Variants in TYW1B observed in about 807,000 individuals in gnomAD.
The protein encoded by TYW1B is S-adenosyl-L-methionine-dependent tRNA 4-demethylwyosine synthase TYW1B.
Under a neutral mutation model 86.9 loss-of-function variants are expected in TYW1B, and 73 were observed. The observed-to-expected ratio is 0.84, with a 90% CI of 0.70 to 1.02. The LOEUF (loss-of-function observed/expected upper bound fraction) is 1.02. Ranked by LOEUF, TYW1B falls within the 50% of genes least tolerant of loss-of-function variation. TYW1B has a pLI of 0.00. For synonymous variants in TYW1B, 248 were observed against 292.8 expected, an observed-to-expected ratio of 0.85 and a Z score of 1.56; for missense variants, 637 against 827.4, an observed-to-expected ratio of 0.77 and a Z score of 2.82.
intron 13 of TYW1B, among the ~76,000 whole-genome samples, chr7:72,576,608 G>A (rs1235950554): frequency 5.3e-5 from 8 of 150,362 alleles, no homozygotes; most frequent in South Asian, 2.1e-4. Flanking sequence ...CGCCTCCTGC[G>A]TTCACGCCAT....
At chr7:72,802,313 G>C in intron 6 of TYW1B, 87 bp downstream of exon 6, 1 of 1,538,708 alleles carries the variant, frequency 6.5e-7, no homozygotes, top group Non-Finnish European at 8.7e-7. Context: ...TCCTCTGTGA[G>C]CTCAGATGGA....
At chr7:72,812,707 T>G (rs1192156939) in intron 3 of TYW1B, among the ~76,000 whole-genome samples, 5 of 151,554 alleles carry the variant, frequency 3.3e-5, no homozygotes, top group Non-Finnish European at 7.4e-5. Flanking sequence ...TGGGGTTTTT[T>G]TTTTTTTTTT....
In TYW1B at chr7:72,693,204, T is replaced by C. The variant is rs530311329; in HGVS notation, c.1506+1483A>G. ...CAAGGAAGGAAAGAAGGAGGATTAATGGAAAAGCAGAACCAGATGATTACT... is the reference window on the plus strand; with the variant it reads ...CAAGGAAGGAAAGAAGGAGGATTAACGGAAAAGCAGAACCAGATGATTACT... On this transcript the variant is annotated intron_variant, in intron 11 of 13. Coordinates refer to ENST00000620995, the MANE Select transcript of TYW1B (RefSeq NM_001145440.3). Among the ~76,000 whole-genome samples, 52 of 151,798 alleles carry C rather than the reference T, an allele frequency of 3.4e-4. No homozygotes were observed. In the East Asian group the frequency reaches 0.01, roughly 29 times the overall value.
intron 1 of TYW1B, among the ~76,000 whole-genome samples, chr7:72,827,476 T>C (rs13311663): frequency 1.3e-5 from 2 of 152,140 alleles, no homozygotes; most frequent in Non-Finnish European, 2.9e-5. Context: ...AAAATTATCA[T>C]ACTGTTAACA....
At chr7:72,613,994 A>G (rs73135130) in intron 13 of TYW1B, among the ~76,000 whole-genome samples, 7,292 of 87,130 alleles carry the variant, frequency 0.084, no homozygotes, top group African/African-American at 0.11. Context: ...ATGTGTGCAC[A>G]TGTATGCTGG....
intron 11 of TYW1B, among the ~76,000 whole-genome samples, chr7:72,671,339 T>C (rs1554446314): frequency 6.6e-6 from 1 of 152,174 alleles, no homozygotes; most frequent in Non-Finnish European, 1.5e-5. Flanking sequence ...TCAAAACCAA[T>C]TCAATGTGTG....
chr7:72,807,487 G>A lies in TYW1B; in HGVS notation c.433-131C>T, dbSNP rs1175815847. 7.2e-6 allele frequency: 9 copies of A among 1,250,412 alleles called. No homozygotes were observed. In the South Asian group the frequency reaches 9.5e-5, roughly 13 times the overall value. 77.5% of individuals were successfully genotyped at this position (1,250,412 alleles called of 1,614,324 possible). ...TACCACTAAGAAAGAGGAAATTGCTGGCAAAATGACCTTCAAGCCTTCAAG... is the reference window on the plus strand; with the variant it reads ...TACCACTAAGAAAGAGGAAATTGCTAGCAAAATGACCTTCAAGCCTTCAAG... On this transcript the variant is annotated intron_variant, in intron 4 of 13. Transcript: ENST00000620995.
chr7:72,618,970 C>T (rs532040729), intron 12 of TYW1B, among the ~76,000 whole-genome samples: 2 of 152,304 alleles, frequency 1.3e-5, no homozygotes, highest in South Asian at 4.1e-4. Flanking sequence ...TTGCTGACGT[C>T]ACAGCCCGAA....
In TYW1B at chr7:72,574,645, T is replaced by C. The variant is rs1385762705; in HGVS notation, c.*853A>G. 1.3e-5 allele frequency: 13 copies of C among 985,318 alleles called. No individual in the cohort carries two copies. The highest frequency in any genetic ancestry group is 1.6e-5 in the Non-Finnish European group (13 of 829,936). The allele number at this position is 985,318 out of a possible 1,614,324, so 61.0% of individuals were successfully genotyped here. ...AACACCTGAACCTTATAGAACAGAT[T>C]GTGTAAAGCAGCGAGGGCCACAGGA... On this transcript the variant is annotated 3_prime_UTR_variant, in exon 14 of 14. Transcript: ENST00000620995.
intron 11 of TYW1B, among the ~76,000 whole-genome samples, chr7:72,689,452 T>C (rs1176669780): frequency 3.3e-5 from 5 of 152,006 alleles, no homozygotes; most frequent in Non-Finnish European, 7.4e-5. Flanking sequence ...AACTTGGGAG[T>C]AGCTGAGACT....
intron 10 of TYW1B, among the ~76,000 whole-genome samples, chr7:72,711,437 G>A (rs1204398603): frequency 3.2e-5 from 4 of 124,482 alleles, no homozygotes; most frequent in African/African-American, 1.2e-4. Context: ...CCTGTTAACT[G>A]TTAAGCAGCC....
intron 12 of TYW1B, among the ~76,000 whole-genome samples, chr7:72,625,632 A>C: frequency 6.6e-6 from 1 of 151,386 alleles, no homozygotes; most frequent in African/African-American, 2.4e-5. Context: ...ACTGCACTCC[A>C]GTCTGGGCAA....
intron 3 of TYW1B, among the ~76,000 whole-genome samples, chr7:72,812,367 C>A (rs781878986): frequency 5.9e-5 from 9 of 152,074 alleles, no homozygotes; most frequent in Non-Finnish European, 8.8e-5. Context: ...CTCCTGTCAG[C>A]GCTCCAGAAG....
intron 11 of TYW1B, among the ~76,000 whole-genome samples, chr7:72,657,523 CAAG>C (rs1396437320): frequency 6.6e-5 from 10 of 152,038 alleles, no homozygotes; most frequent in Non-Finnish European, 1.3e-4. Flanking sequence ...ATATTCAATC[CAAG>C]AAGGTCTTCT....
chr7:72,791,678 A>G (rs1788222419), intron 6 of TYW1B, among the ~76,000 whole-genome samples: 2 of 151,878 alleles, frequency 1.3e-5, no homozygotes, highest in Admixed American at 6.6e-5. Flanking sequence ...TCGGGAGGCT[A>G]AAGCAGGAGA....
At chr7:72,634,723 A>G (rs2129568880) in intron 11 of TYW1B, among the ~76,000 whole-genome samples, 1 of 152,298 alleles carries the variant, frequency 6.6e-6, no homozygotes, top group East Asian at 1.9e-4. Context: ...TTGGTTTTGC[A>G]TCTGCCTGCA....
rs563662474 is a variant in TYW1B at position 72,807,296 on chromosome 7, C to T, written c.493G>A (p.Gly165Arg). 2.5e-6 allele frequency: 4 copies of T among 1,614,178 alleles called. No individual in the cohort carries two copies. The highest frequency in any genetic ancestry group is 3.3e-5 in the Admixed American group (2 of 59,990). ...MLGVHRVMSR[G>R]EGDCDVVKSK... Reference sequence around the variant, plus strand: ...TTAACCACGTCGCAGTCGCCCTCCCCTCGACTCATCACACGATGCACGCCA... The same window carrying T: ...TTAACCACGTCGCAGTCGCCCTCCCTTCGACTCATCACACGATGCACGCCA... The change falls in exon 5 of 14, where the codon GGG becomes AGG. Residue 165 changes from glycine to arginine, a missense_variant. By Grantham distance (125) the Gly-to-Arg change is moderately radical (BLOSUM62 -2). Transcript: ENST00000620995.
At chr7:72,605,104 T>C (rs1282152738) in intron 13 of TYW1B, among the ~76,000 whole-genome samples, 12 of 152,148 alleles carry the variant, frequency 7.9e-5, no homozygotes, top group Admixed American at 7.2e-4. Context: ...TTCAAAAATA[T>C]TTCACTACAA....
At chr7:72,826,212 A>G (rs559661213) in intron 2 of TYW1B, among the ~76,000 whole-genome samples, 2 of 152,308 alleles carry the variant, frequency 1.3e-5, no homozygotes, top group South Asian at 4.1e-4. Context: ...TTTGGAACAG[A>G]TTTTTCCTGT....
Sources: allele counts gnomAD v4.1 joint callset (sites outside exome capture counted in the v4.1 genomes callset), GRCh38; gene constraint gnomAD v4.1.1; transcripts MANE v1.5; gene names NCBI Gene and HGNC (gene_info 2026-07-23, HGNC 2026-07-21).